The following HSCB variants were observed in gnomAD, a reference collection of about 807,000 sequenced individuals.
HSCB encodes the protein iron-sulfur cluster co-chaperone protein HscB.
Under a neutral mutation model 31.3 loss-of-function variants are expected in HSCB, and 23 were observed. The observed-to-expected ratio is 0.74, with a 90% confidence interval of 0.53 to 1.04. HSCB has a LOEUF of 1.04. Among genes scored for constraint, HSCB ranks in the 50% least tolerant of loss-of-function variants. The pLI, the probability that HSCB is intolerant of heterozygous loss-of-function variation, is 0.00. For synonymous variants in HSCB, 110 were observed against 104.5 expected, an observed-to-expected ratio of 1.05 and a Z score of -0.32; for missense variants, 297 against 288.1, an observed-to-expected ratio of 1.03 and a Z score of -0.22.
At chr22:28,749,157 AAC>A (rs2030050785) in intron 4 of HSCB, among the ~76,000 whole-genome samples, 1 of 151,448 alleles carries the variant, frequency 6.6e-6, no homozygotes, top group African/African-American at 2.4e-5. Flanking sequence ...AAAAAAAAAA[AAC>A]TTTTAAGTGG....
intron 4 of HSCB, among the ~76,000 whole-genome samples, chr22:28,746,298 G>A (rs6005856): frequency 0.059 from 8,851 of 149,154 alleles, 357 homozygotes; most frequent in East Asian, 0.17. Context: ...GGAGAATGGC[G>A]TGAACCCGAG....
At chr22:28,754,464 A>G (rs1364865804) in intron 5 of HSCB, among the ~76,000 whole-genome samples, 3 of 151,748 alleles carry the variant, frequency 2.0e-5, no homozygotes, top group African/African-American at 7.3e-5. Context: ...CAGGGCAGGA[A>G]TTTGAGACCA....
chr22:28,745,848 C>T lies in HSCB; in HGVS notation c.424-16C>T. 1 of 1,588,440 alleles carries T rather than the reference C, an allele frequency of 6.3e-7. No individual in the cohort carries two copies. The highest frequency in any genetic ancestry group is 8.5e-7 in the Non-Finnish European group (1 of 1,171,146). On this transcript the variant is annotated splice_polypyrimidine_tract_variant and intron_variant, in intron 3 of 5. Coordinates refer to ENST00000216027, the MANE Select transcript of HSCB (RefSeq NM_172002.5). Reference sequence around the variant, plus strand: ...TAGCTTCTTCAACTTATTTTTCTTGCTTTCTACCCCAATAGCTAAAGCTCC... The same window carrying T: ...TAGCTTCTTCAACTTATTTTTCTTGTTTTCTACCCCAATAGCTAAAGCTCC...
rs759013053 is a variant in HSCB, at chr22:28,742,220, G to A, written c.125G>A (p.Trp42Ter). Reference protein sequence around the residue: ...SQAGSNYPRCWNCGGPWGPGR... With the variant: ...SQAGSNYPRC ...GCGGGAAGCAATTATCCCCGCTGTTGGAACTGCGGCGGCCCATGGGGCCCC... is the reference window on the plus strand; with the variant it reads ...GCGGGAAGCAATTATCCCCGCTGTTAGAACTGCGGCGGCCCATGGGGCCCC... The change falls in exon 1 of 6, where the codon TGG (tryptophan) becomes TAG (stop). Residue 42 changes from tryptophan to a stop codon, truncating the protein, a stop_gained. Transcript: ENST00000216027. LOFTEE classifies it high-confidence loss of function. The A allele has an allele frequency of 6.2e-7, 1 of 1,613,972 alleles. No individual in the cohort carries two copies. The highest frequency in any genetic ancestry group is 1.1e-5 in the South Asian group (1 of 91,064).
chr22:28,747,048 A>T (rs2029894835), intron 4 of HSCB, among the ~76,000 whole-genome samples: 1 of 152,046 alleles, frequency 6.6e-6, no homozygotes, highest in African/African-American at 2.4e-5. Context: ...TGAGTGACAG[A>T]GTGAGACCCT....
intron 3 of HSCB, 122 bp downstream of exon 3, chr22:28,744,826 T>G: frequency 1.3e-6 from 1 of 771,360 alleles, no homozygotes. Flanking sequence ...CTCACACCTG[T>G]AATCCCAGAA....
chr22:28,743,141 C>A (rs2054614186), intron 1 of HSCB, among the ~76,000 whole-genome samples: 1 of 152,132 alleles, frequency 6.6e-6, no homozygotes, highest in African/African-American at 2.4e-5. Context: ...TAGGGTCTTG[C>A]AGTTGGGGAG....
At chr22:28,756,582 C>T (rs1165584873) in intron 5 of HSCB, among the ~76,000 whole-genome samples, 1 of 151,978 alleles carries the variant, frequency 6.6e-6, no homozygotes, top group Non-Finnish European at 1.5e-5. Flanking sequence ...GATCCTCCCA[C>T]CTCAGCCTCC....
At chr22:28,743,798 C>A (rs1054884336) in intron 1 of HSCB, 84 bp from the exon 2 acceptor site, 1 of 1,127,700 alleles carries the variant, frequency 8.9e-7, no homozygotes, top group Non-Finnish European at 1.3e-6. Flanking sequence ...ATTGCATCTT[C>A]CCCATAAGAG....
intron 1 of HSCB, 73 bp downstream of exon 1, chr22:28,742,404 C>T: frequency 1.9e-6 from 3 of 1,568,894 alleles, no homozygotes; most frequent in East Asian, 2.3e-5. Flanking sequence ...GAGGGGAGGA[C>T]GGATCTGGCT....
At chr22:28,746,126 A>G in intron 4 of HSCB, 118 bp downstream of exon 4, 2 of 961,712 alleles carry the variant, frequency 2.1e-6, no homozygotes, top group Non-Finnish European at 3.0e-6. Flanking sequence ...CACGCCTATA[A>G]TCCCAGCACT....
At chr22:28,751,379 TTCCTATGA>T (rs2030243921) in intron 5 of HSCB, 91 bp downstream of exon 5, 1 of 696,314 alleles carries the variant, frequency 1.4e-6, no homozygotes, top group Admixed American at 2.7e-5. Context: ...ATTATATACC[TTCCTATGA>T]TAGCTATATA....
At chr22:28,746,726 C>G (rs1433129621) in intron 4 of HSCB, among the ~76,000 whole-genome samples, 2 of 151,986 alleles carry the variant, frequency 1.3e-5, no homozygotes, top group Non-Finnish European at 2.9e-5. Flanking sequence ...ATGGAGAAAC[C>G]CCGTCTCTGC....
chr22:28,742,102 C>A lies in HSCB; in HGVS notation c.7C>A (p.Arg3=). The stretch of plus-strand genomic sequence containing the variant: ...TAGATAGGCCGCCGGCCAGATGTGG[C>A]GGGGGAGAGCCGGGGCTTTGCTCCG... MW[R]GRAGALLRVW... is the part of the protein sequence containing the mutation. The change falls in exon 1 of 6, where the codon CGG becomes AGG. Residue 3 remains arginine (R), a synonymous_variant. Transcript: ENST00000216027. 2.5e-6 allele frequency: 4 copies of A among 1,593,292 alleles called. No homozygotes were observed. Among genetic ancestry groups the A allele is most frequent in the Non-Finnish European group, 3.4e-6 (4 of 1,169,808 alleles).
At chr22:28,748,626 C>T (rs1395652188) in intron 4 of HSCB, among the ~76,000 whole-genome samples, 1 of 152,048 alleles carries the variant, frequency 6.6e-6, no homozygotes, top group Non-Finnish European at 1.5e-5. Context: ...TATTCTCCTG[C>T]CTCTGCCTCC....
intron 5 of HSCB, among the ~76,000 whole-genome samples, chr22:28,755,951 A>C (rs761394726): frequency 6.6e-6 from 1 of 152,168 alleles, no homozygotes; most frequent in Non-Finnish European, 1.5e-5. Flanking sequence ...CCCCAGTTGA[A>C]AATCACTGGT....
At chr22:28,756,427 C>T (rs938665332) in intron 5 of HSCB, among the ~76,000 whole-genome samples, 91 of 151,234 alleles carry the variant, frequency 6.0e-4, no homozygotes, top group African/African-American at 2.0e-3. Flanking sequence ...AGTATACCAC[C>T]ACATGTTAGG....
chr22:28,742,048 C>G lies in HSCB; in HGVS notation c.-48C>G, dbSNP rs1180516092. ...CAACATTAGTCTGGTTAGACGCTCT[C>G]TTTGCTTTTCCCCACGAGTGACCAC... On this transcript the variant is annotated 5_prime_UTR_variant, in exon 1 of 6. Coordinates refer to ENST00000216027, the MANE Select transcript of HSCB (RefSeq NM_172002.5). 1 of 1,560,224 alleles carries G rather than the reference C, an allele frequency of 6.4e-7. No homozygotes were observed. The highest frequency in any genetic ancestry group is 1.9e-5 in the Admixed American group (1 of 52,702).
At chr22:28,754,717 A>G (rs921518347) in intron 5 of HSCB, among the ~76,000 whole-genome samples, 3 of 152,196 alleles carry the variant, frequency 2.0e-5, no homozygotes, top group East Asian at 3.9e-4. Flanking sequence ...TTGCCCAACA[A>G]TGTGAATGTA....
Sources: allele counts gnomAD v4.1 joint callset (sites outside exome capture counted in the v4.1 genomes callset), GRCh38; gene constraint gnomAD v4.1.1; transcripts MANE v1.5; gene names NCBI Gene and HGNC (gene_info 2026-07-23, HGNC 2026-07-21).